Variants in SLC9C1 observed in about 807,000 individuals in gnomAD.
SLC9C1 encodes sodium/hydrogen exchanger 10.
SLC9C1 carries 97 observed loss-of-function variants against 140.9 expected under a neutral mutation model. The ratio of observed to expected loss-of-function variants is 0.69; its 90% CI spans 0.58 to 0.82. The LOEUF (loss-of-function observed/expected upper bound fraction) is 0.82. Ranked by LOEUF, SLC9C1 falls within the 40% of genes least tolerant of loss-of-function variation. SLC9C1 has a pLI of 0.00. For synonymous variants in SLC9C1, 440 were observed against 442.6 expected, an observed-to-expected ratio of 0.99 and a Z score of 0.07; for missense variants, 1,340 against 1,389.3, an observed-to-expected ratio of 0.96 and a Z score of 0.56.
chr3:112,159,815 CT>C (rs1421911473), intron 26 of SLC9C1, among the ~76,000 whole-genome samples: 2 of 116,150 alleles, frequency 1.7e-5, no homozygotes, highest in East Asian at 6.6e-4. Flanking sequence ...ATATAATGAC[CT>C]TTTTTGTTCT....
chr3:112,221,293 G>T, intron 13 of SLC9C1, 68 bp from the exon 14 acceptor site: 1 of 1,312,302 alleles, frequency 7.6e-7, no homozygotes, highest in Non-Finnish European at 1.1e-6. Context: ...CAATCTTGAT[G>T]GGAAAAATGT....
intron 15 of SLC9C1, among the ~76,000 whole-genome samples, chr3:112,216,802 C>A (rs2078385953): frequency 6.6e-6 from 1 of 152,300 alleles, no homozygotes; most frequent in African/African-American, 2.4e-5. Flanking sequence ...TGTGGCGATT[C>A]CTCAAGGATC....
In SLC9C1 at chr3:112,254,481, C is replaced by T. The variant is rs1411150601; in HGVS notation, c.1197+8443G>A. Among the ~76,000 whole-genome samples the T allele has an allele frequency of 2.7e-5, 4 of 148,956 alleles. No individual in the cohort carries two copies. The Admixed American group carries it at 2.7e-4, about 10-fold the overall frequency. On this transcript the variant is annotated intron_variant, in intron 10 of 28. Coordinates refer to ENST00000305815, the MANE Select transcript of SLC9C1 (RefSeq NM_183061.3). Reference sequence around the variant, plus strand: ...CGTCAACCAATAATTTCATATCCAGCCAAACTAAGCTTCCTAAGTGAACAT... The same window carrying T: ...CGTCAACCAATAATTTCATATCCAGTCAAACTAAGCTTCCTAAGTGAACAT...
intron 6 of SLC9C1, among the ~76,000 whole-genome samples, chr3:112,272,312 C>T (rs2080099837): frequency 6.6e-6 from 1 of 152,100 alleles, no homozygotes; most frequent in African/African-American, 2.4e-5. Flanking sequence ...ATTTGTTAAG[C>T]CAGGAAAAGT....
chr3:112,209,512 A>G (rs2078144117), intron 15 of SLC9C1, among the ~76,000 whole-genome samples: 1 of 61,080 alleles, frequency 1.6e-5, no homozygotes, highest in South Asian at 1.5e-3. Context: ...CCTTGAATCT[A>G]AGAAAAAAAA....
At chr3:112,216,375 G>A (rs1175013756) in intron 15 of SLC9C1, among the ~76,000 whole-genome samples, 3 of 152,100 alleles carry the variant, frequency 2.0e-5, no homozygotes, top group Non-Finnish European at 4.4e-5. Flanking sequence ...TTAAACTAAA[G>A]AGCTTCTGCA....
At chr3:112,201,580 T>A (rs1163603600) in intron 18 of SLC9C1, among the ~76,000 whole-genome samples, 1 of 152,038 alleles carries the variant, frequency 6.6e-6, no homozygotes, top group Non-Finnish European at 1.5e-5. Flanking sequence ...GACAAACTTA[T>A]GGGCACATAT....
chr3:112,198,091 C>T (rs1332064607), intron 20 of SLC9C1, among the ~76,000 whole-genome samples: 2 of 151,940 alleles, frequency 1.3e-5, no homozygotes, highest in Non-Finnish European at 2.9e-5. Flanking sequence ...CTATATTTTC[C>T]TTTATAGAAA....
At chr3:112,235,931 G>GT (rs1238588863) in intron 12 of SLC9C1, among the ~76,000 whole-genome samples, 1 of 152,034 alleles carries the variant, frequency 6.6e-6, no homozygotes, top group African/African-American at 2.4e-5. Flanking sequence ...TAAAATTCTT[G>GT]TTTTTTGTTG....
chr3:112,179,416 T>G, intron 23 of SLC9C1, 115 bp downstream of exon 23: 1 of 1,209,262 alleles, frequency 8.3e-7, no homozygotes. Flanking sequence ...TAATTCCTAG[T>G]TTTTAAAAGT....
intron 13 of SLC9C1, among the ~76,000 whole-genome samples, chr3:112,223,995 C>A (rs1576382176): frequency 6.6e-6 from 1 of 152,164 alleles, no homozygotes; most frequent in South Asian, 2.1e-4. Context: ...AGAGTGAAGA[C>A]CAGCCTGGAA....
chr3:112,198,391 A>G (rs946258523), intron 20 of SLC9C1, among the ~76,000 whole-genome samples: 4 of 151,760 alleles, frequency 2.6e-5, no homozygotes, highest in African/African-American at 9.7e-5. Flanking sequence ...TCTTTCCAAA[A>G]TTTTCATCTT....
At chr3:112,217,831 A>G (rs554717828) in intron 14 of SLC9C1, among the ~76,000 whole-genome samples, 1 of 152,300 alleles carries the variant, frequency 6.6e-6, no homozygotes, top group East Asian at 1.9e-4. Context: ...AAAACATACT[A>G]TGTTTCAAAT....
intron 27 of SLC9C1, among the ~76,000 whole-genome samples, chr3:112,152,871 C>T (rs1338354359): frequency 6.6e-6 from 1 of 152,112 alleles, no homozygotes; most frequent in Non-Finnish European, 1.5e-5. Flanking sequence ...GGGTTGGGGC[C>T]AGGGTTACAG....
At chr3:112,266,591 T>C (rs1032205304) in intron 7 of SLC9C1, among the ~76,000 whole-genome samples, 17 of 152,170 alleles carry the variant, frequency 1.1e-4, no homozygotes, top group Admixed American at 9.8e-4. Flanking sequence ...GCATACCCCA[T>C]TGAGGCTAGA....
chr3:112,186,057 C>A, intron 20 of SLC9C1: 3 of 1,201,620 alleles, frequency 2.5e-6, no homozygotes, highest in Non-Finnish European at 3.4e-6. Flanking sequence ...CTGCACAGTG[C>A]ACTTTCAAAT....
chr3:112,205,047 G>A (rs1223851082), intron 16 of SLC9C1, among the ~76,000 whole-genome samples: 1 of 151,978 alleles, frequency 6.6e-6, no homozygotes, highest in Admixed American at 6.6e-5. Flanking sequence ...GGAAGTTCTG[G>A]CCAGGGCAAT....
intron 28 of SLC9C1, among the ~76,000 whole-genome samples, chr3:112,148,951 A>G (rs1013482407): frequency 6.6e-6 from 1 of 151,844 alleles, no homozygotes; most frequent in East Asian, 2.0e-4. Context: ...GGGGCAGCCT[A>G]AGCTCCTAAT....
intron 23 of SLC9C1, among the ~76,000 whole-genome samples, chr3:112,173,201 A>G (rs1222683249): frequency 1.3e-5 from 2 of 152,188 alleles, no homozygotes; most frequent in African/African-American, 4.8e-5. Flanking sequence ...GAAGGACACA[A>G]ATTCCAAAAA....
Sources: gnomAD v4.1 joint callset for allele counts (sites outside exome capture counted in the v4.1 genomes callset) on GRCh38, gnomAD v4.1.1 for gene constraint, MANE v1.5 for transcripts, NCBI Gene and HGNC (gene_info 2026-07-23, HGNC 2026-07-21) for gene names.